CPNE4: variants seen among roughly 807,000 people sequenced by gnomAD.
CPNE4 encodes copine-4.
In CPNE4, 25 loss-of-function variants were observed where a neutral mutation model predicts 67.9. The ratio of observed to expected loss-of-function variants is 0.37; its 90% CI spans 0.27 to 0.51. The LOEUF is 0.51. CPNE4 is among the 20% of genes least tolerant of loss of function. CPNE4 has a pLI of 0.93. For missense variants in CPNE4, 464 were observed against 690.8 expected (o/e 0.67, Z 3.68); for synonymous variants, 242 against 244.9 (o/e 0.99, Z 0.11).
chr3:131,791,933 G>A (rs1455186271), intron 2 of CPNE4, among the ~76,000 whole-genome samples: 2 of 152,136 alleles, frequency 1.3e-5, no homozygotes, highest in African/African-American at 4.8e-5. Context: ...AAGGCTGCTA[G>A]AAGACCTCAT....
At chr3:131,615,972 C>G (rs1039137420) in intron 7 of CPNE4, among the ~76,000 whole-genome samples, 1 of 150,704 alleles carries the variant, frequency 6.6e-6, no homozygotes, top group Non-Finnish European at 1.5e-5. Context: ...TGCTACTCCA[C>G]CCCCGCCACA....
intron 1 of CPNE4, among the ~76,000 whole-genome samples, chr3:131,924,736 T>G (rs569439306): frequency 3.3e-5 from 5 of 152,154 alleles, no homozygotes; most frequent in African/African-American, 4.8e-5. Flanking sequence ...AATGGTGACA[T>G]AAACTATACT....
At chr3:131,842,166 C>A (rs1187532070) in intron 2 of CPNE4, among the ~76,000 whole-genome samples, 1 of 152,200 alleles carries the variant, frequency 6.6e-6, no homozygotes, top group East Asian at 1.9e-4. Context: ...GATGAGAAAG[C>A]ATATTTTGGT....
chr3:131,799,108 G>A (rs532271685), intron 2 of CPNE4, among the ~76,000 whole-genome samples: 6 of 151,734 alleles, frequency 4.0e-5, no homozygotes, highest in African/African-American at 9.7e-5. Context: ...AACTGGCTCC[G>A]ACAGAAAAAA....
rs139750571 is a variant in CPNE4, at chr3:131,953,237, A to AT, written c.-1-47794dup. 1.0e-4 allele frequency among the ~76,000 whole-genome samples: 10 copies of AT among 100,426 alleles called. 1 individual carries two copies. The highest frequency in any genetic ancestry group is 1.4e-4 in the African/African-American group (4 of 29,502). 65.9% of individuals were successfully genotyped at this position (100,426 alleles called of 152,430 possible). ...TGTGAGAAACACCCAAGAATGATCA[A>AT]TTAAAAAAAAAAAAAAAAAAAAAAA... On this transcript the variant is annotated intron_variant, in intron 1 of 15. Transcript: ENST00000429747.
chr3:131,775,693 T>C (rs543985358), intron 2 of CPNE4, among the ~76,000 whole-genome samples: 2 of 152,304 alleles, frequency 1.3e-5, no homozygotes, highest in Admixed American at 1.3e-4. Flanking sequence ...GAGGCCTTGC[T>C]AGCCACATAG....
At chr3:131,560,656 T>C (rs1464363785) in intron 11 of CPNE4, among the ~76,000 whole-genome samples, 2 of 152,020 alleles carry the variant, frequency 1.3e-5, no homozygotes, top group East Asian at 3.9e-4. Context: ...GGAAAAATTG[T>C]GCTTCATTAA....
chr3:131,871,479 A>C (rs2087200165), intron 2 of CPNE4, among the ~76,000 whole-genome samples: 1 of 152,078 alleles, frequency 6.6e-6, no homozygotes, highest in African/African-American at 2.4e-5. Flanking sequence ...TGACATCTTA[A>C]CATCTTTTTC....
intron 5 of CPNE4, among the ~76,000 whole-genome samples, chr3:131,693,628 A>G (rs573328657): frequency 8.0e-4 from 122 of 152,258 alleles, no homozygotes; most frequent in African/African-American, 2.9e-3. Flanking sequence ...GTGAATAAAG[A>G]AAATTATGTC....
chr3:131,938,173 A>G (rs1341954526), intron 1 of CPNE4, among the ~76,000 whole-genome samples: 1 of 152,060 alleles, frequency 6.6e-6, no homozygotes, highest in Non-Finnish European at 1.5e-5. Context: ...CCTGGGCAAC[A>G]TGGTGAAACC....
At position 131,575,143 on chromosome 3, in the gene CPNE4, G is replaced by T; in HGVS notation, c.868-13C>A. On this transcript the variant is annotated splice_polypyrimidine_tract_variant and intron_variant, in intron 9 of 15. Transcript: ENST00000429747. The stretch of plus-strand genomic sequence containing the variant: ...GCATCTTGTGAATCTGCATAGGAGG[G>T]GAGAGGAAACTGGGTTAATAACAGC... 6.2e-7 allele frequency: 1 copy of T among 1,611,430 alleles called. No homozygotes were observed. The highest frequency in any genetic ancestry group is 2.2e-5 in the East Asian group (1 of 44,778).
intron 11 of CPNE4, among the ~76,000 whole-genome samples, chr3:131,560,222 C>T (rs72997295): frequency 3.9e-5 from 6 of 151,902 alleles, no homozygotes; most frequent in Non-Finnish European, 8.8e-5. Flanking sequence ...GCAAGGGAAG[C>T]GATACATCTT....
chr3:131,534,090 A>T lies in CPNE4; in HGVS notation c.*1105T>A, dbSNP rs925762871. 2 of 152,208 alleles carry T rather than the reference A, an allele frequency of 1.3e-5. No homozygotes were observed. Among genetic ancestry groups the T allele is most frequent in the Non-Finnish European group, 2.9e-5 (2 of 68,042 alleles). The allele number at this position is 152,208 out of a possible 1,614,324, so 9.4% of individuals were successfully genotyped here. On this transcript the variant is annotated 3_prime_UTR_variant, in exon 16 of 16. Coordinates refer to ENST00000429747, the MANE Select transcript of CPNE4 (RefSeq NM_130808.3). ...GAGCTGTACTGCATAGCCATTTGCC[A>T]TGTGTAAGTTTCTATTGTTGTGGTT...
intron 1 of CPNE4, among the ~76,000 whole-genome samples, chr3:131,917,913 AAAC>A (rs2070615535): frequency 6.6e-6 from 1 of 152,198 alleles, no homozygotes; most frequent in South Asian, 2.1e-4. Context: ...CAGTACAAGA[AAAC>A]ATGCAGTTCC....
chr3:131,700,054 C>CTTTTTTTTTTTTTTT lies in CPNE4; in HGVS notation c.361-89_361-75dup, dbSNP rs3035263. 1,356 of 254,518 alleles carry CTTTTTTTTTTTTTTT rather than the reference C, an allele frequency of 5.3e-3. 26 individuals carry two copies. Among genetic ancestry groups the CTTTTTTTTTTTTTTT allele is most frequent in the Non-Finnish European group, 6.3e-3 (910 of 143,998 alleles). 15.8% of individuals were successfully genotyped at this position (254,518 alleles called of 1,614,324 possible). ...TTAACTGTAGATCTATTTTTTAAAC[C>CTTTTTTTTTTTTTTT]TTTTTTTTTTTTTTTTTTTTTTTAC... On this transcript the variant is annotated intron_variant, in intron 3 of 15. Coordinates refer to ENST00000429747, the MANE Select transcript of CPNE4 (RefSeq NM_130808.3).
chr3:131,841,164 G>A (rs1583304204), intron 2 of CPNE4, among the ~76,000 whole-genome samples: 1 of 152,148 alleles, frequency 6.6e-6, no homozygotes, highest in Non-Finnish European at 1.5e-5. Flanking sequence ...GCAGAAAAAA[G>A]GATAGGGAAT....
intron 6 of CPNE4, among the ~76,000 whole-genome samples, chr3:131,672,867 G>T (rs1021328101): frequency 2.6e-5 from 4 of 151,666 alleles, no homozygotes; most frequent in East Asian, 3.9e-4. Flanking sequence ...GTCCATTTTT[G>T]CTTGGTTGCT....
intron 2 of CPNE4, among the ~76,000 whole-genome samples, chr3:131,855,231 T>C (rs2086393874): frequency 6.6e-6 from 1 of 151,972 alleles, no homozygotes; most frequent in South Asian, 2.1e-4. Context: ...TGCTCTGTGA[T>C]TGGACAAAGT....
intron 6 of CPNE4, among the ~76,000 whole-genome samples, chr3:131,673,717 G>A (rs1410996616): frequency 1.3e-5 from 2 of 151,994 alleles, no homozygotes; most frequent in Admixed American, 1.3e-4. Context: ...TTCTTGTAGA[G>A]TCTTTAGGTT....
Sources: gnomAD v4.1 joint callset for allele counts (sites outside exome capture counted in the v4.1 genomes callset) on GRCh38, gnomAD v4.1.1 for gene constraint, MANE v1.5 for transcripts, NCBI Gene and HGNC (gene_info 2026-07-23, HGNC 2026-07-21) for gene names.